Variants in SNTB2 observed in about 807,000 individuals in gnomAD.
The protein encoded by SNTB2 is syntrophin beta 2, also known as beta-2-syntrophin.
Under a neutral mutation model 46.2 loss-of-function variants are expected in SNTB2, and 34 were observed. That is an observed-to-expected ratio of 0.74 (90% CI 0.56 to 0.98). The LOEUF (loss-of-function observed/expected upper bound fraction) is 0.98, where lower values mean the gene tolerates loss of function less well. Ranked by LOEUF, SNTB2 falls within the 50% of genes least tolerant of loss-of-function variation. The pLI is 0.00. For missense variants in SNTB2, 603 were observed against 731.4 expected (o/e 0.82, Z 2.02); for synonymous variants, 290 against 312.6 (o/e 0.93, Z 0.76).
At chr16:69,258,651 G>A (rs147928744) in intron 2 of SNTB2, among the ~76,000 whole-genome samples, 58 of 125,962 alleles carry the variant, frequency 4.6e-4, no homozygotes, top group East Asian at 2.0e-3. Flanking sequence ...TCGCTTTGTC[G>A]CCCAGGCTGG....
At chr16:69,290,925 ACTT>A (rs1220231156) in intron 5 of SNTB2, among the ~76,000 whole-genome samples, 1 of 152,186 alleles carries the variant, frequency 6.6e-6, no homozygotes, top group Non-Finnish European at 1.5e-5. Context: ...ACCAGGTTAA[ACTT>A]CTGAAGGATA....
At chr16:69,280,530 G>A (rs1423498082) in intron 4 of SNTB2, among the ~76,000 whole-genome samples, 2 of 139,192 alleles carry the variant, frequency 1.4e-5, no homozygotes, top group Non-Finnish European at 3.0e-5. Context: ...GCGGCTGGCC[G>A]GGCGGGGGGC....
intron 1 of SNTB2, among the ~76,000 whole-genome samples, 200 bp downstream of exon 1, chr16:69,187,946 C>A (rs1373401117): frequency 6.6e-6 from 1 of 152,158 alleles, no homozygotes; most frequent in Non-Finnish European, 1.5e-5. Context: ...TGGCTTGCAG[C>A]CCCTAGGGAA....
At chr16:69,219,051 T>G (rs927318456) in intron 1 of SNTB2, among the ~76,000 whole-genome samples, 4 of 152,116 alleles carry the variant, frequency 2.6e-5, no homozygotes, top group South Asian at 2.1e-4. Flanking sequence ...ATTGGAGAAG[T>G]GAGTATTTAA....
rs1965278389 is a variant in SNTB2, at chr16:69,301,671, T to C, written c.*747T>C. 1 of 152,670 alleles carries C rather than the reference T, an allele frequency of 6.6e-6. No homozygotes were observed. Among genetic ancestry groups the C allele is most frequent in the Non-Finnish European group, 1.5e-5 (1 of 68,048 alleles). The allele number at this position is 152,670 out of a possible 1,614,324, so 9.5% of individuals were successfully genotyped here. ...GCTTTTAAAGAAAAGTTTTGCTTGG[T>C]TTAGGTTTTTCCAATTTTATTTTTG... On this transcript the variant is annotated 3_prime_UTR_variant, in exon 7 of 7. Coordinates refer to ENST00000336278, the MANE Select transcript of SNTB2 (RefSeq NM_006750.4).
At chr16:69,190,972 CG>C (rs1265518135) in intron 1 of SNTB2, among the ~76,000 whole-genome samples, 1 of 151,918 alleles carries the variant, frequency 6.6e-6, no homozygotes, top group East Asian at 1.9e-4. Context: ...AAGGTAGGAC[CG>C]GGTCACGAAG....
chr16:69,279,729 C>T (rs1183111438), intron 4 of SNTB2, among the ~76,000 whole-genome samples: 5 of 151,088 alleles, frequency 3.3e-5, no homozygotes, highest in South Asian at 2.1e-4. Flanking sequence ...GGGGTTTCAC[C>T]GTGTTAGCCA....
intron 1 of SNTB2, among the ~76,000 whole-genome samples, chr16:69,206,279 C>T (rs1257957407): frequency 6.6e-6 from 1 of 152,180 alleles, no homozygotes; most frequent in Non-Finnish European, 1.5e-5. Context: ...GAATTACAGG[C>T]ATGAGTCACT....
chr16:69,283,354 T>C (rs1965068827), intron 4 of SNTB2, among the ~76,000 whole-genome samples: 5 of 152,226 alleles, frequency 3.3e-5, no homozygotes, highest in African/African-American at 4.8e-5. Flanking sequence ...GAATCATTTT[T>C]TTCACATAAC....
At chr16:69,272,569 T>C (rs1321629615) in intron 4 of SNTB2, among the ~76,000 whole-genome samples, 4 of 142,958 alleles carry the variant, frequency 2.8e-5, no homozygotes, top group African/African-American at 1.0e-4. Flanking sequence ...GAGATAATTA[T>C]TCCAAGTCAG....
intron 4 of SNTB2, among the ~76,000 whole-genome samples, chr16:69,279,873 AT>A (rs1212046762): frequency 2.7e-5 from 4 of 147,916 alleles, no homozygotes; most frequent in African/African-American, 1.0e-4. Context: ...TAATTAATTT[AT>A]TTATTTATTG....
At chr16:69,225,731 C>T (rs1049241962) in intron 1 of SNTB2, among the ~76,000 whole-genome samples, 2 of 152,174 alleles carry the variant, frequency 1.3e-5, no homozygotes, top group African/African-American at 4.8e-5. Flanking sequence ...ACGTGCTTTG[C>T]ACATAGGAGA....
intron 1 of SNTB2, among the ~76,000 whole-genome samples, chr16:69,195,589 A>G (rs1441021065): frequency 6.6e-6 from 1 of 152,104 alleles, no homozygotes; most frequent in South Asian, 2.1e-4. Flanking sequence ...AAAGGCTCAA[A>G]TTATCTTGGC....
intron 1 of SNTB2, among the ~76,000 whole-genome samples, chr16:69,239,771 C>A (rs1054434826): frequency 2.6e-5 from 4 of 152,128 alleles, no homozygotes; most frequent in African/African-American, 9.7e-5. Flanking sequence ...TCTTGAACTC[C>A]TAACCTCAAG....
chr16:69,203,750 C>A (rs1744317957), intron 1 of SNTB2, among the ~76,000 whole-genome samples: 1 of 152,008 alleles, frequency 6.6e-6, no homozygotes, highest in Non-Finnish European at 1.5e-5. Flanking sequence ...GAATCCATTG[C>A]TTGTTTATTA....
At chr16:69,211,433 C>A (rs2152292095) in intron 1 of SNTB2, among the ~76,000 whole-genome samples, 1 of 151,350 alleles carries the variant, frequency 6.6e-6, no homozygotes, top group African/African-American at 2.4e-5. Flanking sequence ...TACCTGTAGA[C>A]CCAGCTACTT....
At chr16:69,295,009 T>C (rs1965208821) in intron 5 of SNTB2, among the ~76,000 whole-genome samples, 2 of 151,672 alleles carry the variant, frequency 1.3e-5, no homozygotes, top group Admixed American at 1.3e-4. Context: ...TTAGTAGAGA[T>C]GGGGTTTCAC....
At chr16:69,239,953 T>C (rs1964594906) in intron 1 of SNTB2, among the ~76,000 whole-genome samples, 1 of 152,236 alleles carries the variant, frequency 6.6e-6, no homozygotes, top group Non-Finnish European at 1.5e-5. Context: ...TACTGAGTTA[T>C]AAATAGTTTG....
At chr16:69,252,144 GTGTT>G (rs1383628427) in intron 2 of SNTB2, among the ~76,000 whole-genome samples, 1 of 152,120 alleles carries the variant, frequency 6.6e-6, no homozygotes, top group Non-Finnish European at 1.5e-5. Context: ...AACCAAAAAT[GTGTT>G]TGGTATTAGA....
Sources: gnomAD v4.1 joint callset for allele counts (sites outside exome capture counted in the v4.1 genomes callset) on GRCh38, gnomAD v4.1.1 for gene constraint, MANE v1.5 for transcripts, NCBI Gene and HGNC (gene_info 2026-07-23, HGNC 2026-07-21) for gene names.